Variants in C1orf198 observed in about 807,000 individuals in gnomAD.
The protein encoded by C1orf198 is chromosome 1 open reading frame 198, also known as uncharacterized protein C1orf198.
In C1orf198, 17 loss-of-function variants were observed where a neutral mutation model predicts 31.4. The ratio of observed to expected loss-of-function variants is 0.54; its 90% CI spans 0.37 to 0.81. The LOEUF (loss-of-function observed/expected upper bound fraction) is 0.81, where lower values mean the gene tolerates loss of function less well. Among genes scored for constraint, C1orf198 ranks in the 40% least tolerant of loss-of-function variants. C1orf198 has a pLI of 0.00. For missense variants in C1orf198, 401 were observed against 450.3 expected (o/e 0.89, Z 0.99); for synonymous variants, 175 against 193.8 (o/e 0.90, Z 0.81).
chr1:230,846,256 G>T (rs1669586054), intron 2 of C1orf198, among the ~76,000 whole-genome samples: 1 of 152,198 alleles, frequency 6.6e-6, no homozygotes, highest in South Asian at 2.1e-4. Context: ...AATGCCACCA[G>T]ATGTACATCA....
intron 2 of C1orf198, among the ~76,000 whole-genome samples, chr1:230,846,712 C>T (rs1466004790): frequency 6.6e-6 from 1 of 152,230 alleles, no homozygotes; most frequent in African/African-American, 2.4e-5. Context: ...CCTGTAATCC[C>T]AGCACTTTGG....
chr1:230,852,559 TA>T (rs930125459), intron 2 of C1orf198, among the ~76,000 whole-genome samples: 25 of 152,182 alleles, frequency 1.6e-4, no homozygotes, highest in African/African-American at 5.6e-4. Flanking sequence ...ATTTGTCAAT[TA>T]AAAAGTAATA....
chr1:230,839,470 G>T lies in C1orf198; in HGVS notation c.*382C>A, dbSNP rs778081879. ...GGAACCCATACGGTAAAAAGCGGAG[G>T]GGGGAGGGGGAATAATGGAGAAGGA... On this transcript the variant is annotated 3_prime_UTR_variant, in exon 4 of 4. Coordinates refer to ENST00000366663, the MANE Select transcript of C1orf198 (RefSeq NM_032800.3). 11 of 211,962 alleles carry T rather than the reference G, an allele frequency of 5.2e-5. No homozygotes were observed. The highest frequency in any genetic ancestry group is 1.7e-4 in the East Asian group (1 of 5,794). 13.1% of individuals were successfully genotyped at this position (211,962 alleles called of 1,614,324 possible). A position where few individuals can be genotyped will look rare whatever the true frequency, so the allele number is the denominator to read the frequency against.
chr1:230,864,390 G>T (rs1670067515), intron 1 of C1orf198, among the ~76,000 whole-genome samples: 1 of 152,100 alleles, frequency 6.6e-6, no homozygotes, highest in Non-Finnish European at 1.5e-5. Flanking sequence ...GAAGCCACAG[G>T]CAATGCAGCA....
chr1:230,846,571 G>A (rs887919494), intron 2 of C1orf198, among the ~76,000 whole-genome samples: 2 of 152,236 alleles, frequency 1.3e-5, no homozygotes, highest in Non-Finnish European at 2.9e-5. Context: ...ACGGCTAGAT[G>A]TCTTCCCTCC....
intron 1 of C1orf198, among the ~76,000 whole-genome samples, chr1:230,865,354 G>T (rs1670095331): frequency 6.6e-6 from 1 of 152,220 alleles, no homozygotes; most frequent in Admixed American, 6.5e-5. Flanking sequence ...AGGGGCCGGG[G>T]CCTAGGTTGA....
chr1:230,864,609 C>A (rs925537627), intron 1 of C1orf198, among the ~76,000 whole-genome samples: 8 of 152,076 alleles, frequency 5.3e-5, no homozygotes, highest in Non-Finnish European at 1.2e-4. Flanking sequence ...CATGTGAAAC[C>A]CCGATTAGGG....
At chr1:230,854,879 A>G (rs1166347328) in intron 2 of C1orf198, among the ~76,000 whole-genome samples, 1 of 152,198 alleles carries the variant, frequency 6.6e-6, no homozygotes, top group Non-Finnish European at 1.5e-5. Context: ...GCCTTGAGGT[A>G]TCAGTATTTA....
intron 2 of C1orf198, among the ~76,000 whole-genome samples, chr1:230,853,363 G>A (rs1408842758): frequency 6.6e-6 from 1 of 152,054 alleles, no homozygotes; most frequent in Non-Finnish European, 1.5e-5. Context: ...GCCACCTCCT[G>A]TTTGTGGCTC....
chr1:230,838,712 G>A lies in C1orf198; in HGVS notation c.*1140C>T, dbSNP rs562687209. ...GGGGCCACTGGGCAGGACAGCCTCT[G>A]AGTGCAGCAGCTTCCCTAGGGGAGG... On this transcript the variant is annotated 3_prime_UTR_variant, in exon 4 of 4. Transcript: ENST00000366663. This position sits in a 1 kb window ranked among gnomAD's most constrained non-coding sequence, Gnocchi z 4.2. 4.6e-4 allele frequency: 71 copies of A among 152,904 alleles called. No individual in the cohort carries two copies. The highest frequency in any genetic ancestry group is 1.6e-3 in the African/African-American group (68 of 41,574). 9.5% of individuals were successfully genotyped at this position (152,904 alleles called of 1,614,324 possible).
In C1orf198 at chr1:230,839,918, G is replaced by A. The variant is rs757656014; in HGVS notation, c.928-10C>T. ...CATTACTTGAGCTGACCTGTAGAAG[G>A]GACAAAAACATGGAAGTAAGACGAG... On this transcript the variant is annotated splice_polypyrimidine_tract_variant and intron_variant, in intron 3 of 3. Transcript: ENST00000366663. The A allele has an allele frequency of 9.4e-6, 15 of 1,597,204 alleles. 1 individual carries two copies. In the South Asian group the frequency reaches 1.4e-4, roughly 15 times the overall value.
rs963068838 is a variant in C1orf198 at position 230,838,011 on chromosome 1, A to G, written c.*1841T>C. 2.6e-5 allele frequency: 4 copies of G among 152,212 alleles called. No individual in the cohort carries two copies. Among genetic ancestry groups the G allele is most frequent in the African/African-American group, 9.7e-5 (4 of 41,448 alleles). The allele number at this position is 152,212 out of a possible 1,614,324, so 9.4% of individuals were successfully genotyped here. A position where few individuals can be genotyped will look rare whatever the true frequency, so the allele number is the denominator to read the frequency against. On this transcript the variant is annotated 3_prime_UTR_variant, in exon 4 of 4. Coordinates refer to ENST00000366663, the MANE Select transcript of C1orf198 (RefSeq NM_032800.3). The surrounding 1 kb of genome is among the most constrained non-coding windows in gnomAD (Gnocchi z 4.2). Reference sequence around the variant, plus strand: ...CTTTCTTCTGTGCTACACCAACACTACAGAATACAAACTCATACATATACA... The same window carrying G: ...CTTTCTTCTGTGCTACACCAACACTGCAGAATACAAACTCATACATATACA...
chr1:230,837,532 T>G lies in C1orf198; in HGVS notation c.*2320A>C, dbSNP rs958327073. The G allele has an allele frequency of 6.6e-6, 1 of 152,182 alleles. No individual in the cohort carries two copies. The highest frequency in any genetic ancestry group is 2.4e-5 in the African/African-American group (1 of 41,436). The allele number at this position is 152,182 out of a possible 1,614,324, so 9.4% of individuals were successfully genotyped here. On this transcript the variant is annotated 3_prime_UTR_variant, in exon 4 of 4. Coordinates refer to ENST00000366663, the MANE Select transcript of C1orf198 (RefSeq NM_032800.3). ...AAAAAATAAATATAAACTCCTGGTT[T>G]GAGAAACTCCCTCATGATGAATGGG...
At position 230,840,379 on chromosome 1, in the gene C1orf198, A is replaced by G. The variant is rs1669408847; in HGVS notation, c.928-471T>C. Among the ~76,000 whole-genome samples the G allele has an allele frequency of 6.6e-6, 1 of 152,248 alleles. No individual in the cohort carries two copies. The highest frequency in any genetic ancestry group is 6.5e-5 in the Admixed American group (1 of 15,290). ...AAAGAATGTGAAGCTTATTTCTTTCAGATCTTGTGAAAGGTTATGAAGTGA... is the reference window on the plus strand; with the variant it reads ...AAAGAATGTGAAGCTTATTTCTTTCGGATCTTGTGAAAGGTTATGAAGTGA... On this transcript the variant is annotated intron_variant, in intron 3 of 3. Transcript: ENST00000366663. The surrounding 1 kb of genome is among the most constrained non-coding windows in gnomAD (Gnocchi z 4.0).
At chr1:230,868,095 G>T in intron 1 of C1orf198, 85 bp downstream of exon 1, 1 of 1,264,534 alleles carries the variant, frequency 7.9e-7, no homozygotes, top group Non-Finnish European at 1.0e-6. Flanking sequence ...AGCTGGGGCG[G>T]CCTCACGCCG....
In C1orf198 at chr1:230,857,016, C is replaced by T. The variant is rs1455760865; in HGVS notation, c.334-1298G>A. ...AGACACTGGGGGCAAATGCCAGGGC[C>T]CACGCAGGGGGAGTGCCTCACCAAC... On this transcript the variant is annotated intron_variant, in intron 1 of 3. Transcript: ENST00000366663. This position sits in a 1 kb window ranked among gnomAD's most constrained non-coding sequence, Gnocchi z 4.2. Among the ~76,000 whole-genome samples, 1 of 152,188 alleles carries T rather than the reference C, an allele frequency of 6.6e-6. No individual in the cohort carries two copies. Among genetic ancestry groups the T allele is most frequent in the Non-Finnish European group, 1.5e-5 (1 of 68,036 alleles).
At chr1:230,868,081 T>C in intron 1 of C1orf198, 99 bp downstream of exon 1, 2 of 1,080,836 alleles carry the variant, frequency 1.9e-6, no homozygotes, top group South Asian at 2.2e-5. Flanking sequence ...TTCCAGCCCC[T>C]ACCAGCTGGG....
At chr1:230,841,083 C>T (rs935447869) in intron 3 of C1orf198, among the ~76,000 whole-genome samples, 1 of 152,186 alleles carries the variant, frequency 6.6e-6, no homozygotes, top group Non-Finnish European at 1.5e-5. Context: ...TCAGAGGAAG[C>T]CCTCAGTGCC....
At chr1:230,851,485 C>T (rs1204308746) in intron 2 of C1orf198, among the ~76,000 whole-genome samples, 8 of 152,244 alleles carry the variant, frequency 5.3e-5, no homozygotes, top group African/African-American at 1.9e-4. Context: ...CCTCTCTCCA[C>T]TCCCTGCCTC....
Sources: gnomAD v4.1 joint callset for allele counts (sites outside exome capture counted in the v4.1 genomes callset) on GRCh38, gnomAD v4.1.1 for gene constraint, Gnocchi (gnomAD v3.1) non-coding constraint, MANE v1.5 for transcripts, NCBI Gene and HGNC (gene_info 2026-07-23, HGNC 2026-07-21) for gene names.